The following MDFIC2 variants were observed in gnomAD, a reference collection of about 807,000 sequenced individuals.
MDFIC2 encodes the protein MyoD family inhibitor domain containing 2.
chr3:70,236,717 T>A (rs990878596), intron 2 of MDFIC2, among the ~76,000 whole-genome samples: 1 of 152,062 alleles, frequency 6.6e-6, no homozygotes, highest in Admixed American at 6.6e-5. Flanking sequence ...TGCCTCAGCC[T>A]CGTGAGTAGC....
At chr3:70,293,723 A>T (rs755301156) in intron 2 of MDFIC2, among the ~76,000 whole-genome samples, 32 of 152,074 alleles carry the variant, frequency 2.1e-4, no homozygotes, top group Non-Finnish European at 3.8e-4. Flanking sequence ...GGATTTTTTT[A>T]AATTACATTA....
intron 2 of MDFIC2, among the ~76,000 whole-genome samples, chr3:70,296,114 G>A (rs1370222235): frequency 6.6e-6 from 1 of 152,168 alleles, no homozygotes; most frequent in Non-Finnish European, 1.5e-5. Context: ...GGTAGGGAAA[G>A]GGTGAAAGCC....
At position 70,267,193 on chromosome 3, in the gene MDFIC2, C is replaced by T. The variant is rs187491748; in HGVS notation, c.88+44693G>A. 1.4e-3 allele frequency among the ~76,000 whole-genome samples: 211 copies of T among 152,040 alleles called. 1 individual carries two copies. The highest frequency in any genetic ancestry group is 4.3e-3 in the African/African-American group (179 of 41,452). On this transcript the variant is annotated intron_variant, in intron 2 of 3. Transcript: ENST00000567252. ...TATGTAGGGATTTTATACTTAATTC[C>T]CCCTTATGTTTTAGACAGTAAAAGA...
chr3:70,200,507 G>A (rs1298789556), intron 3 of MDFIC2, among the ~76,000 whole-genome samples: 1 of 152,074 alleles, frequency 6.6e-6, no homozygotes, highest in Non-Finnish European at 1.5e-5. Context: ...ACACCCTCCT[G>A]CCCCTCAACT....
At chr3:70,248,824 ATGTTTGCCAGTG>A (rs1701732508) in intron 2 of MDFIC2, among the ~76,000 whole-genome samples, 1 of 152,120 alleles carries the variant, frequency 6.6e-6, no homozygotes, top group Non-Finnish European at 1.5e-5. Context: ...CATGTGTGAT[ATGTTTGCCAGTG>A]GTGGCCTACA....
At chr3:70,275,306 T>C (rs905823513) in intron 2 of MDFIC2, among the ~76,000 whole-genome samples, 2 of 152,094 alleles carry the variant, frequency 1.3e-5, no homozygotes, top group African/African-American at 4.8e-5. Context: ...GAGGATCACT[T>C]GAGCCCAGCC....
At chr3:70,275,797 G>C (rs1199627568) in intron 2 of MDFIC2, among the ~76,000 whole-genome samples, 4 of 152,092 alleles carry the variant, frequency 2.6e-5, no homozygotes, top group African/African-American at 9.7e-5. Flanking sequence ...GCTATATGAG[G>C]ACCTGGTAAA....
chr3:70,285,932 G>A (rs1377476935), intron 2 of MDFIC2, among the ~76,000 whole-genome samples: 1 of 150,822 alleles, frequency 6.6e-6, no homozygotes, highest in African/African-American at 2.4e-5. Context: ...AAATTTGTTT[G>A]AGTTCATTGT....
intron 2 of MDFIC2, among the ~76,000 whole-genome samples, chr3:70,237,979 C>CTTTTTATTTTTTTTTTTTT (rs1701628018): frequency 2.0e-5 from 1 of 48,932 alleles, no homozygotes; most frequent in Non-Finnish European, 3.2e-5. Context: ...TGAGTGGTAT[C>CTTTTTATTTTTTTTTTTTT]TTTTTTTTTT....
chr3:70,237,973 T>A (rs1575603960), intron 2 of MDFIC2, among the ~76,000 whole-genome samples: 1 of 135,890 alleles, frequency 7.4e-6, no homozygotes, highest in Non-Finnish European at 1.6e-5. Context: ...ACTAATTGAG[T>A]GGTATCTTTT....
At chr3:70,219,905 G>A (rs1701447148) in intron 2 of MDFIC2, among the ~76,000 whole-genome samples, 1 of 152,138 alleles carries the variant, frequency 6.6e-6, no homozygotes, top group Non-Finnish European at 1.5e-5. Flanking sequence ...CTAAGCATAA[G>A]CGTTGTTCAA....
At chr3:70,289,712 T>G (rs1440431818) in intron 2 of MDFIC2, among the ~76,000 whole-genome samples, 2 of 152,208 alleles carry the variant, frequency 1.3e-5, no homozygotes, top group Admixed American at 1.3e-4. Context: ...AGACCTAGAT[T>G]TGGTCTTTTC....
intron 2 of MDFIC2, among the ~76,000 whole-genome samples, chr3:70,257,605 G>A (rs753632740): frequency 6.6e-5 from 10 of 152,280 alleles, no homozygotes; most frequent in Non-Finnish European, 1.3e-4. Flanking sequence ...ATTTAAGGAA[G>A]TATATGTGAG....
intron 2 of MDFIC2, among the ~76,000 whole-genome samples, chr3:70,254,414 G>A (rs1437543045): frequency 1.3e-5 from 2 of 152,086 alleles, no homozygotes; most frequent in Admixed American, 6.6e-5. Flanking sequence ...ACAGATGTGA[G>A]CATGAACTGA....
At chr3:70,290,357 C>T (rs537565468) in intron 2 of MDFIC2, among the ~76,000 whole-genome samples, 4 of 152,178 alleles carry the variant, frequency 2.6e-5, no homozygotes, top group Non-Finnish European at 5.9e-5. Context: ...GGGGTGCCTC[C>T]CAGTTAGGCT....
Position 70,281,403 on chromosome 3 carries a change from C to T in MDFIC2, c.88+30483G>A, listed in dbSNP as rs1702081710. Among the ~76,000 whole-genome samples, 4 of 152,124 alleles carry T rather than the reference C, an allele frequency of 2.6e-5. No individual in the cohort carries two copies. In the South Asian group the frequency reaches 6.2e-4, roughly 24 times the overall value. On this transcript the variant is annotated intron_variant, in intron 2 of 3. Coordinates refer to ENST00000567252, the MANE Select transcript of MDFIC2 (RefSeq NM_001364677.1). ...TACGATCATAAGCTTCAGAATTAAACCCCGTTTTCTAGAATTCTGTCTTTA... is the reference window on the plus strand; with the variant it reads ...TACGATCATAAGCTTCAGAATTAAATCCCGTTTTCTAGAATTCTGTCTTTA...
chr3:70,276,067 A>G (rs1702022791), intron 2 of MDFIC2, among the ~76,000 whole-genome samples: 1 of 152,146 alleles, frequency 6.6e-6, no homozygotes, highest in South Asian at 2.1e-4. Flanking sequence ...TACTCTTTTT[A>G]ACAAAATACA....
chr3:70,199,988 G>T (rs1374771788), intron 3 of MDFIC2, among the ~76,000 whole-genome samples: 1 of 152,088 alleles, frequency 6.6e-6, no homozygotes, highest in Non-Finnish European at 1.5e-5. Flanking sequence ...TTTCTTTTAT[G>T]GATGGCTTCT....
chr3:70,232,094 G>C (rs1035408443), intron 2 of MDFIC2, among the ~76,000 whole-genome samples: 1 of 152,124 alleles, frequency 6.6e-6, no homozygotes, highest in Non-Finnish European at 1.5e-5. Flanking sequence ...TGCTTTCCAA[G>C]TGCTGAGGCT....
Sources: allele counts gnomAD v4.1 joint callset (sites outside exome capture counted in the v4.1 genomes callset), GRCh38; gene constraint gnomAD v4.1.1; transcripts MANE v1.5; gene names NCBI Gene and HGNC (gene_info 2026-07-23, HGNC 2026-07-21).